TOPAZ1: variants seen among roughly 807,000 people sequenced by gnomAD.
TOPAZ1 encodes protein TOPAZ1.
Under a neutral mutation model 172.2 loss-of-function variants are expected in TOPAZ1, and 66 were observed. That is an observed-to-expected ratio of 0.38 (90% CI 0.31 to 0.47). TOPAZ1 has a LOEUF of 0.47. Ranked by LOEUF, TOPAZ1 falls within the 20% of genes least tolerant of loss-of-function variation. TOPAZ1 has a pLI of 0.99. For synonymous variants in TOPAZ1, 681 were observed against 683.9 expected, an observed-to-expected ratio of 1.00 and a Z score of 0.07; for missense variants, 1,822 against 1,972.4, an observed-to-expected ratio of 0.92 and a Z score of 1.44.
chr3:44,317,579 G>T (rs1248848361), intron 16 of TOPAZ1, among the ~76,000 whole-genome samples: 1 of 152,164 alleles, frequency 6.6e-6, no homozygotes, highest in Non-Finnish European at 1.5e-5. Flanking sequence ...TTCCCAGTGT[G>T]TATATTCAAA....
At chr3:44,306,230 T>A (rs1200701892) in intron 14 of TOPAZ1, 96 bp from the exon 15 acceptor site, 2 of 730,002 alleles carry the variant, frequency 2.7e-6, no homozygotes, top group Non-Finnish European at 4.6e-6. Context: ...CAACACCTGG[T>A]CTTTATGGTA....
chr3:44,308,434 A>G (rs1243614689), intron 15 of TOPAZ1, among the ~76,000 whole-genome samples: 1 of 152,152 alleles, frequency 6.6e-6, no homozygotes, highest in Non-Finnish European at 1.5e-5. Context: ...AGCTTCATCT[A>G]TGTCCCTACA....
intron 12 of TOPAZ1, among the ~76,000 whole-genome samples, chr3:44,291,694 T>A (rs1700140100): frequency 6.8e-6 from 1 of 147,066 alleles, no homozygotes; most frequent in African/African-American, 2.5e-5. Flanking sequence ...AGGCCATGAC[T>A]TAAAAAAAAA....
intron 8 of TOPAZ1, among the ~76,000 whole-genome samples, chr3:44,276,624 C>CTT (rs762865769): frequency 0.013 from 302 of 24,102 alleles, 75 homozygotes; most frequent in African/African-American, 0.051. Flanking sequence ...CAGCTTTGTT[C>CTT]TTTTTTTTTT....
At position 44,269,424 on chromosome 3, in the gene TOPAZ1, T is replaced by G; in HGVS notation, c.3246+123T>G. On this transcript the variant is annotated intron_variant, in intron 7 of 19. Coordinates refer to ENST00000309765, the MANE Select transcript of TOPAZ1 (RefSeq NM_001145030.2). ...TTTTATCCTCCCCTTAAAAAAATAA[T>G]TTTATAAACCAATACTTTGGACCTT... 1.1e-5 allele frequency: 5 copies of G among 441,792 alleles called. No individual in the cohort carries two copies. The South Asian group carries it at 1.2e-4, about 10-fold the overall frequency. 27.4% of individuals were successfully genotyped at this position (441,792 alleles called of 1,614,324 possible).
chr3:44,335,380 C>G (rs1700712144), downstream of TOPAZ1, among the ~76,000 whole-genome samples: 1 of 152,056 alleles, frequency 6.6e-6, no homozygotes, highest in African/African-American at 2.4e-5. Context: ...AATGCCAGCA[C>G]TTTGGGAGGC....
Position 44,244,269 on chromosome 3 carries a change from C to G in TOPAZ1, c.1763C>G (p.Pro588Arg). ...VEPTLMVIKE[P>R]IIKDDKKIKS... ...CCTACTTTAATGGTTATAAAGGAACCTATAATCAAGGATGATAAAAAGATA... is the reference window on the plus strand; with the variant it reads ...CCTACTTTAATGGTTATAAAGGAACGTATAATCAAGGATGATAAAAAGATA... The change falls in exon 2 of 20, where the codon CCT becomes CGT. Residue 588 changes from proline (P) to arginine (R), a missense_variant. Around this residue, in one of 2 missense-constraint regions of TOPAZ1, gnomAD observed 1,489 missense variants for 1,490.8 expected, o/e 1.00. Transcript: ENST00000309765. 5 of 1,549,618 alleles carry G rather than the reference C, an allele frequency of 3.2e-6. No individual in the cohort carries two copies. Among genetic ancestry groups the G allele is most frequent in the Non-Finnish European group, 4.4e-6 (5 of 1,146,374 alleles).
chr3:44,293,357 G>A (rs935858754), intron 12 of TOPAZ1, among the ~76,000 whole-genome samples: 2 of 152,118 alleles, frequency 1.3e-5, no homozygotes, highest in Non-Finnish European at 2.9e-5. Context: ...AGGTATTCCA[G>A]AAGTAGGCAT....
At chr3:44,299,852 A>G (rs1385378265) in intron 12 of TOPAZ1, among the ~76,000 whole-genome samples, 2 of 149,132 alleles carry the variant, frequency 1.3e-5, no homozygotes, top group African/African-American at 4.9e-5. Flanking sequence ...TATCGCAAGA[A>G]CAAAAAACCA....
chr3:44,308,304 T>C (rs915473361), intron 15 of TOPAZ1, among the ~76,000 whole-genome samples: 7 of 102,326 alleles, frequency 6.8e-5, no homozygotes, highest in Admixed American at 1.3e-4. Flanking sequence ...CAGGCCCCAG[T>C]GTGTGATGTT....
rs549792756 is a variant in TOPAZ1, at chr3:44,258,639, G to A, written c.2955+2361G>A. Among the ~76,000 whole-genome samples the A allele has an allele frequency of 6.6e-5, 10 of 151,592 alleles. No individual in the cohort carries two copies. In the South Asian group the frequency reaches 1.7e-3, roughly 25 times the overall value. On this transcript the variant is annotated intron_variant, in intron 4 of 19. Coordinates refer to ENST00000309765, the MANE Select transcript of TOPAZ1 (RefSeq NM_001145030.2). ...ATTCAACCAAGTCATTGCATATATC[G>A]GTAGTTCATTCATTTTTACTGTTTG...
At chr3:44,299,496 T>G (rs1700243644) in intron 12 of TOPAZ1, among the ~76,000 whole-genome samples, 1 of 151,952 alleles carries the variant, frequency 6.6e-6, no homozygotes. Flanking sequence ...ACTTTTACAC[T>G]GTTGGTGGGA....
Position 44,324,434 on chromosome 3 carries a change from A to AT in TOPAZ1, c.4675+1143dup, listed in dbSNP as rs777227348. Among the ~76,000 whole-genome samples, 138 of 152,114 alleles carry AT rather than the reference A, an allele frequency of 9.1e-4. 1 individual carries two copies. The highest frequency in any genetic ancestry group is 1.7e-3 in the Admixed American group (26 of 15,276). ...ACACACACATATATGTGTGTGTGTGATTTTAGTTTCTAGAATTGAAGTTAA... is the reference window on the plus strand; with the variant it reads ...ACACACACATATATGTGTGTGTGTGATTTTTAGTTTCTAGAATTGAAGTTAA... On this transcript the variant is annotated intron_variant, in intron 18 of 19. Coordinates refer to ENST00000309765, the MANE Select transcript of TOPAZ1 (RefSeq NM_001145030.2).
At chr3:44,280,492 G>A (rs1314244028) in intron 8 of TOPAZ1, among the ~76,000 whole-genome samples, 1 of 151,888 alleles carries the variant, frequency 6.6e-6, no homozygotes, top group African/African-American at 2.4e-5. Flanking sequence ...TGGGACTACA[G>A]GCATGTCACC....
At chr3:44,330,630 C>G (rs1187004783) in intron 19 of TOPAZ1, among the ~76,000 whole-genome samples, 2 of 152,218 alleles carry the variant, frequency 1.3e-5, no homozygotes, top group East Asian at 3.8e-4. Flanking sequence ...CAAGTCCTCA[C>G]TCCTGTCACT....
chr3:44,244,935 G>A lies in TOPAZ1; in HGVS notation c.2429G>A (p.Cys810Tyr). The A allele has an allele frequency of 6.4e-7, 1 of 1,551,690 alleles. No homozygotes were observed. Among genetic ancestry groups the A allele is most frequent in the Non-Finnish European group, 8.7e-7 (1 of 1,147,002 alleles). The change falls in exon 2 of 20, where the codon TGT becomes TAT. Residue 810 changes from cysteine (C) to tyrosine (Y), a missense_variant. Transcript: ENST00000309765. ...SLTVENNAFSCDPGYVEKSPS... is the reference protein window; with the variant it reads ...SLTVENNAFSYDPGYVEKSPS... ...ACAGTTGAAAATAATGCTTTTTCTTGTGATCCTGGGTATGTAGAGAAAAGT... is the reference window on the plus strand; with the variant it reads ...ACAGTTGAAAATAATGCTTTTTCTTATGATCCTGGGTATGTAGAGAAAAGT...
intron 4 of TOPAZ1, among the ~76,000 whole-genome samples, chr3:44,257,352 G>GGGGTGTGTGTGTGT (rs1264696203): frequency 8.2e-5 from 9 of 110,402 alleles, no homozygotes; most frequent in South Asian, 6.1e-4. Flanking sequence ...AAAACATAGG[G>GGGGTGTGTGTGTGT]GTGTGTGTGT....
intron 16 of TOPAZ1, among the ~76,000 whole-genome samples, chr3:44,310,492 C>T (rs1237496639): frequency 6.6e-6 from 1 of 151,968 alleles, no homozygotes; most frequent in East Asian, 1.9e-4. Context: ...GAACGAGACT[C>T]CATCTCAGAA....
At chr3:44,293,239 G>C (rs781362112) in intron 12 of TOPAZ1, among the ~76,000 whole-genome samples, 1 of 152,156 alleles carries the variant, frequency 6.6e-6, no homozygotes, top group Non-Finnish European at 1.5e-5. Flanking sequence ...TAATAAATTA[G>C]TGTTACTGGT....
Sources: gnomAD v4.1 joint callset for allele counts (sites outside exome capture counted in the v4.1 genomes callset) on GRCh38, gnomAD v4.1.1 for gene constraint, gnomAD v4.1.1 regional missense constraint, MANE v1.5 for transcripts, NCBI Gene and HGNC (gene_info 2026-07-23, HGNC 2026-07-21) for gene names.